The following ASAP1 variants were observed in gnomAD, a reference collection of about 807,000 sequenced individuals.
The protein encoded by ASAP1 is arf-GAP with SH3 domain, ANK repeat and PH domain-containing protein 1.
In ASAP1, 43 loss-of-function variants were observed where a neutral mutation model predicts 145.2. The ratio of observed to expected loss-of-function variants is 0.30; its 90% CI spans 0.23 to 0.38. The LOEUF is 0.38. ASAP1 is among the 10% of genes least tolerant of loss of function. The probability of loss-of-function intolerance (pLI) is 1.00; values close to 1 mark genes in which losing one functional copy is unlikely to be tolerated. For synonymous variants in ASAP1, 546 were observed against 515.5 expected, an observed-to-expected ratio of 1.06 and a Z score of -0.80; for missense variants, 1,018 against 1,355.3, an observed-to-expected ratio of 0.75 and a Z score of 3.91.
chr8:130,346,710 G>A (rs1276938273), intron 3 of ASAP1, among the ~76,000 whole-genome samples: 1 of 149,374 alleles, frequency 6.7e-6, no homozygotes, highest in Non-Finnish European at 1.5e-5. Flanking sequence ...TGACAGCACT[G>A]ACTTGGCACC....
intron 29 of ASAP1, 93 bp from the exon 30 acceptor site, chr8:130,054,898 C>G: frequency 1.0e-6 from 1 of 987,138 alleles, no homozygotes; most frequent in Non-Finnish European, 1.6e-6. Flanking sequence ...AGTCTGCCCA[C>G]AGACCTGGCG....
At chr8:130,063,584 G>A (rs1240494197) in intron 27 of ASAP1, among the ~76,000 whole-genome samples, 2 of 152,132 alleles carry the variant, frequency 1.3e-5, no homozygotes, top group African/African-American at 2.4e-5. Flanking sequence ...AAAGAGAGGA[G>A]ACTGGCCTTC....
chr8:130,063,523 G>A lies in ASAP1; in HGVS notation c.2702-2454C>T, dbSNP rs569568242. On this transcript the variant is annotated intron_variant, in intron 27 of 29. Coordinates refer to ENST00000518721, the MANE Select transcript of ASAP1 (RefSeq NM_018482.4). ...CTGGCCAGGGCCTCAGGGTACACTGGCCCAGGTGACTCAACTCTGGGCAGG... is the reference window on the plus strand; with the variant it reads ...CTGGCCAGGGCCTCAGGGTACACTGACCCAGGTGACTCAACTCTGGGCAGG... Among the ~76,000 whole-genome samples the A allele has an allele frequency of 3.9e-5, 6 of 152,286 alleles. No individual in the cohort carries two copies. In the South Asian group the frequency reaches 6.2e-4, roughly 16 times the overall value.
chr8:130,119,105 A>G (rs139799922), intron 18 of ASAP1, among the ~76,000 whole-genome samples: 78 of 152,242 alleles, frequency 5.1e-4, no homozygotes, highest in African/African-American at 1.6e-3. Context: ...TCTATTTTTT[A>G]TTTATTTTGT....
intron 12 of ASAP1, among the ~76,000 whole-genome samples, chr8:130,157,208 T>C (rs1384266189): frequency 6.6e-6 from 1 of 152,228 alleles, no homozygotes; most frequent in Non-Finnish European, 1.5e-5. Context: ...TGGACTAGCA[T>C]TTGGTCACCA....
At chr8:130,064,398 C>T (rs2097425836) in intron 27 of ASAP1, among the ~76,000 whole-genome samples, 4 of 152,084 alleles carry the variant, frequency 2.6e-5, no homozygotes, top group South Asian at 4.2e-4. Context: ...GGCTTTAAGG[C>T]CTGAACACCT....
At chr8:130,254,003 A>T (rs531576070) in intron 3 of ASAP1, among the ~76,000 whole-genome samples, 1 of 152,300 alleles carries the variant, frequency 6.6e-6, no homozygotes, top group South Asian at 2.1e-4. Context: ...TTTGGGCAAC[A>T]AGAGTGAAAC....
intron 13 of ASAP1, among the ~76,000 whole-genome samples, chr8:130,147,841 T>C (rs965198744): frequency 1.5e-4 from 23 of 152,298 alleles, no homozygotes; most frequent in Admixed American, 3.9e-4. Flanking sequence ...TCCAACCCTT[T>C]TGAGTAAAAC....
intron 28 of ASAP1, among the ~76,000 whole-genome samples, chr8:130,058,834 C>T (rs1376510617): frequency 6.6e-6 from 1 of 152,128 alleles, no homozygotes; most frequent in Non-Finnish European, 1.5e-5. Flanking sequence ...CTTTAATCAC[C>T]CTGATAGTTC....
intron 2 of ASAP1, among the ~76,000 whole-genome samples, chr8:130,359,387 A>G (rs1432099825): frequency 1.3e-5 from 2 of 152,152 alleles, no homozygotes; most frequent in Non-Finnish European, 2.9e-5. Context: ...ACTTAGTCCG[A>G]AGAATCCATT....
intron 3 of ASAP1, among the ~76,000 whole-genome samples, chr8:130,300,884 CAAT>C (rs1273904923): frequency 6.6e-6 from 1 of 152,156 alleles, no homozygotes; most frequent in Non-Finnish European, 1.5e-5. Flanking sequence ...ACATCTGTCA[CAAT>C]GATGATTAAT....
At chr8:130,316,925 CACG>C (rs1233369491) in intron 3 of ASAP1, among the ~76,000 whole-genome samples, 1 of 152,202 alleles carries the variant, frequency 6.6e-6, no homozygotes, top group Non-Finnish European at 1.5e-5. Context: ...GGCTCTCCAA[CACG>C]ACAACTCATT....
At chr8:130,100,591 C>T (rs1008095182) in intron 24 of ASAP1, among the ~76,000 whole-genome samples, 6 of 152,060 alleles carry the variant, frequency 3.9e-5, no homozygotes, top group Non-Finnish European at 5.9e-5. Context: ...GGCCTCCCAA[C>T]GTGCTGGGAT....
intron 14 of ASAP1, 87 bp downstream of exon 14, chr8:130,136,864 G>T: frequency 1.8e-6 from 2 of 1,138,688 alleles, no homozygotes; most frequent in East Asian, 2.4e-5. Flanking sequence ...GAGGAGCCCT[G>T]CTTGGAAAAG....
chr8:130,223,509 G>A (rs2136521571), intron 4 of ASAP1, among the ~76,000 whole-genome samples: 1 of 152,220 alleles, frequency 6.6e-6, no homozygotes, highest in African/African-American at 2.4e-5. Flanking sequence ...GTATTTTTTG[G>A]AGGATTCCAG....
chr8:130,213,238 C>T (rs1816693620), intron 5 of ASAP1, among the ~76,000 whole-genome samples: 1 of 152,112 alleles, frequency 6.6e-6, no homozygotes, highest in South Asian at 2.1e-4. Flanking sequence ...ATAAATAATT[C>T]TATGTTCGAT....
chr8:130,187,665 C>G (rs923976028), intron 6 of ASAP1, among the ~76,000 whole-genome samples: 1 of 152,116 alleles, frequency 6.6e-6, no homozygotes, highest in Non-Finnish European at 1.5e-5. Context: ...GCAATTTACC[C>G]GCCGCCATGG....
intron 18 of ASAP1, among the ~76,000 whole-genome samples, chr8:130,121,043 T>C (rs985371696): frequency 2.0e-5 from 3 of 152,244 alleles, no homozygotes; most frequent in African/African-American, 7.2e-5. Context: ...TTGGGTGTCA[T>C]CTTGACTGAG....
chr8:130,371,492 C>T (rs1333980696), intron 2 of ASAP1, among the ~76,000 whole-genome samples: 1 of 152,214 alleles, frequency 6.6e-6, no homozygotes, highest in Non-Finnish European at 1.5e-5. Flanking sequence ...ACTCATCTTC[C>T]AGCCTCCCTT....
Sources: allele counts gnomAD v4.1 joint callset (sites outside exome capture counted in the v4.1 genomes callset), GRCh38; gene constraint gnomAD v4.1.1; transcripts MANE v1.5; gene names NCBI Gene and HGNC (gene_info 2026-07-23, HGNC 2026-07-21).